Variants in CCT4 observed in about 807,000 individuals in gnomAD.
CCT4 encodes chaperonin containing TCP1 subunit 4, also known as T-complex protein 1 subunit delta.
In CCT4, 17 loss-of-function variants were observed where a neutral mutation model predicts 62.5. The observed-to-expected ratio is 0.27, with a 90% CI of 0.19 to 0.41. CCT4 has a LOEUF of 0.41. Ranked by LOEUF, CCT4 falls within the 10% of genes least tolerant of loss-of-function variation. CCT4 has a pLI of 1.00. For missense variants in CCT4, 592 were observed against 659.2 expected, an observed-to-expected ratio of 0.90 and a Z score of 1.12; for synonymous variants, 250 against 229.9, an observed-to-expected ratio of 1.09 and a Z score of -0.79.
intron 12 of CCT4, 32 bp from the exon 13 acceptor site, chr2:61,869,585 G>C: frequency 8.0e-7 from 1 of 1,254,324 alleles, no homozygotes; most frequent in Non-Finnish European, 1.2e-6. Flanking sequence ...GTTGCTTTTA[G>C]TGTCTGTGAT....
chr2:61,874,650 T>G (rs1668959020), intron 8 of CCT4, among the ~76,000 whole-genome samples: 1 of 151,742 alleles, frequency 6.6e-6, no homozygotes, highest in South Asian at 2.1e-4. Flanking sequence ...TCTGTCAAAC[T>G]TCAGAGAATT....
At position 61,877,137 on chromosome 2, in the gene CCT4, A is replaced by T. The variant is rs1669018362; in HGVS notation, c.645-85T>A. The stretch of plus-strand genomic sequence containing the variant: ...ATAGATGAACAGATTAAAAGTCATC[A>T]GTCCAATAAAATATGATTCAGCCTC... On this transcript the variant is annotated intron_variant, in intron 6 of 13. Coordinates refer to ENST00000394440, the MANE Select transcript of CCT4 (RefSeq NM_006430.4). 4 of 1,233,684 alleles carry T rather than the reference A, an allele frequency of 3.2e-6. No individual in the cohort carries two copies. In the South Asian group the frequency reaches 5.4e-5, roughly 17 times the overall value. The allele number at this position is 1,233,684 out of a possible 1,614,324, so 76.4% of individuals were successfully genotyped here. A position where few individuals can be genotyped will look rare whatever the true frequency, so the allele number is the denominator to read the frequency against.
chr2:61,869,411 A>G (rs1668838946), intron 13 of CCT4, 29 bp downstream of exon 13: 2 of 1,275,626 alleles, frequency 1.6e-6, no homozygotes, highest in Non-Finnish European at 1.1e-6. Context: ...TTGACCTCCT[A>G]AGAAAATTTG....
At position 61,883,773 on chromosome 2, in the gene CCT4, GACACACACACACACACACACAC is replaced by G. The variant is rs59031193; in HGVS notation, c.181-247_181-226del. ...GGTAATCTAAAAGTGAAGAAATGTA[GACACACACACACACACACACAC>G]ACACACACACACACACACACAAAAG... On this transcript the variant is annotated intron_variant, in intron 2 of 13. Coordinates refer to ENST00000394440, the MANE Select transcript of CCT4 (RefSeq NM_006430.4). Among the ~76,000 whole-genome samples, 41 of 143,940 alleles carry G rather than the reference GACACACACACACACACACACAC, an allele frequency of 2.8e-4. No individual in the cohort carries two copies. In the South Asian group the frequency reaches 7.9e-3, roughly 28 times the overall value. 94.4% of individuals were successfully genotyped at this position (143,940 alleles called of 152,430 possible).
In CCT4 at chr2:61,877,526, A is replaced by C; in HGVS notation, c.523-12T>G. ...TACTGAGAAACCACCTAGAATTATT[A>C]AAAAAAAAAAAAAGTTACCTTCACA... On this transcript the variant is annotated splice_polypyrimidine_tract_variant and intron_variant, in intron 5 of 13. Transcript: ENST00000394440. The C allele has an allele frequency of 5.0e-6, 1 of 200,894 alleles. No homozygotes were observed. Among genetic ancestry groups the C allele is most frequent in the South Asian group, 1.6e-4 (1 of 6,358 alleles). The allele number at this position is 200,894 out of a possible 1,614,324, so 12.4% of individuals were successfully genotyped here. A position where few individuals can be genotyped will look rare whatever the true frequency, so the allele number is the denominator to read the frequency against.
intron 13 of CCT4, 59 bp from the exon 14 acceptor site, chr2:61,868,765 A>T: frequency 8.2e-7 from 1 of 1,218,784 alleles, no homozygotes; most frequent in Non-Finnish European, 1.2e-6. Context: ...AAAGCTGGAA[A>T]ATGTTTAAGG....
chr2:61,870,392 T>C (rs1668859086), intron 12 of CCT4, among the ~76,000 whole-genome samples: 1 of 152,206 alleles, frequency 6.6e-6, no homozygotes, highest in Non-Finnish European at 1.5e-5. Context: ...CACCTTAAAT[T>C]CTTCATTGCA....
chr2:61,873,933 C>T (rs761379936), intron 8 of CCT4, among the ~76,000 whole-genome samples: 4 of 152,038 alleles, frequency 2.6e-5, no homozygotes, highest in Non-Finnish European at 5.9e-5. Context: ...ACTCAGGGCT[C>T]AAGTGATCCT....
At chr2:61,883,602 T>A (rs1326909862) in intron 2 of CCT4, 54 bp from the exon 3 acceptor site, 12 of 862,254 alleles carry the variant, frequency 1.4e-5, no homozygotes, top group Non-Finnish European at 2.2e-5. Flanking sequence ...ATAGTTTTAT[T>A]AAACTTTTAC....
At position 61,869,524 on chromosome 2, in the gene CCT4, C is replaced by G. The variant is rs371228539; in HGVS notation, c.1521G>C (p.Leu507=). The G allele has an allele frequency of 1.1e-5, 17 of 1,610,630 alleles. No homozygotes were observed. The African/African-American group carries it at 2.3e-4, about 22-fold the overall frequency. The change falls in exon 13 of 14, where the codon CTG becomes CTC. Residue 507 remains leucine, a synonymous_variant. Transcript: ENST00000394440. ...CTGATACCAACAGAGGCTGGACAACCAGTTCCTCCAAAATGTTGGAAATAC... is the reference window on the plus strand; with the variant it reads ...CTGATACCAACAGAGGCTGGACAACGAGTTCCTCCAAAATGTTGGAAATAC... ...KGGISNILEE[L]VVQPLLVSVS...
rs1277271190 is a variant in CCT4, at chr2:61,877,451, C to G, written c.586G>C (p.Asp196His). Reference protein sequence around the residue: ...MSVNAVMKVIDPATATSVDLR... With the variant: ...MSVNAVMKVIHPATATSVDLR... ...TCTACACTGGTGGCTGTGGCTGGGT[C>G]AATCACTTTCATCACTGCATTTACA... The change falls in exon 6 of 14, where the codon GAC (aspartate) becomes CAC (histidine). Residue 196 changes from aspartate (D) to histidine (H), a missense_variant. This residue lies in a region of CCT4 where 522 missense variants were observed against 571.2 expected (regional missense o/e 0.91). Transcript: ENST00000394440. 1 of 1,610,430 alleles carries G rather than the reference C, an allele frequency of 6.2e-7. No homozygotes were observed.
Position 61,872,188 on chromosome 2 carries a change from G to A in CCT4, c.1385C>T (p.Pro462Leu). The change falls in exon 12 of 14, where the codon CCA becomes CTA. Residue 462 changes from proline to leucine, a missense_variant. Pro to Leu is a moderately conservative substitution (Grantham distance 98, BLOSUM62 -3). Around this residue, in one of 3 missense-constraint regions of CCT4, gnomAD observed 522 missense variants for 571.2 expected, o/e 0.91. Transcript: ENST00000394440. The part of the protein sequence containing the change: ...RAFADAMEVI[P>L]STLAENAGLN... ...GCCGGCATTTTCAGCTAGTGTAGAT[G>A]GAATGACCTCCATAGCATCTGCAAA... 6.2e-7 allele frequency: 1 copy of A among 1,613,786 alleles called. No individual in the cohort carries two copies. The highest frequency in any genetic ancestry group is 8.5e-7 in the Non-Finnish European group (1 of 1,179,848).
intron 1 of CCT4, 35 bp from the exon 2 acceptor site, chr2:61,885,107 A>C: frequency 6.8e-7 from 1 of 1,480,788 alleles, no homozygotes; most frequent in Non-Finnish European, 8.9e-7. Context: ...AAAACAAATT[A>C]GAACTTTTTT....
At chr2:61,874,439 T>TA (rs1489515300) in intron 8 of CCT4, among the ~76,000 whole-genome samples, 1 of 151,518 alleles carries the variant, frequency 6.6e-6, no homozygotes, top group African/African-American at 2.4e-5. Context: ...ACCAACATGA[T>TA]AAAACCTCAT....
chr2:61,868,972 T>C, intron 13 of CCT4: 1 of 377,628 alleles, frequency 2.6e-6, no homozygotes. Context: ...CCGTCTCTAC[T>C]AAAAATACAA....
At chr2:61,878,040 A>G (rs1669037820) in intron 5 of CCT4, among the ~76,000 whole-genome samples, 1 of 152,188 alleles carries the variant, frequency 6.6e-6, no homozygotes, top group Non-Finnish European at 1.5e-5. Context: ...GTCAGTACTG[A>G]ACAAACACAA....
At chr2:61,884,653 A>G (rs899965940) in intron 2 of CCT4, among the ~76,000 whole-genome samples, 3 of 147,452 alleles carry the variant, frequency 2.0e-5, no homozygotes, top group African/African-American at 5.1e-5. Context: ...TTTGAGATAG[A>G]GTTTTGCTTT....
chr2:61,883,998 G>A (rs955523317), intron 2 of CCT4, among the ~76,000 whole-genome samples: 2 of 151,914 alleles, frequency 1.3e-5, no homozygotes, highest in Non-Finnish European at 2.9e-5. Context: ...GGCATTTTTG[G>A]GAAAGATAGA....
At chr2:61,884,263 G>C (rs561118113) in intron 2 of CCT4, among the ~76,000 whole-genome samples, 1 of 152,126 alleles carries the variant, frequency 6.6e-6, no homozygotes, top group African/African-American at 2.4e-5. Context: ...TGACTCCAAA[G>C]TAACCTCTCC....
Sources: gnomAD v4.1 joint callset for allele counts (sites outside exome capture counted in the v4.1 genomes callset) on GRCh38, gnomAD v4.1.1 for gene constraint, gnomAD v4.1.1 regional missense constraint, MANE v1.5 for transcripts, NCBI Gene and HGNC (gene_info 2026-07-23, HGNC 2026-07-21) for gene names.